Variants in KCNH8 observed in about 807,000 individuals in gnomAD.
The protein encoded by KCNH8 is voltage-gated delayed rectifier potassium channel KCNH8.
A neutral mutation model predicts 103.6 loss-of-function variants in KCNH8; 70 were observed. The ratio of observed to expected loss-of-function variants is 0.68; its 90% CI spans 0.56 to 0.82. KCNH8 has a LOEUF of 0.82. KCNH8 is among the 40% of genes least tolerant of loss of function. The pLI, the probability that KCNH8 is intolerant of heterozygous loss-of-function variation, is 0.00. For missense variants in KCNH8, 1,217 were observed against 1,329.9 expected (o/e 0.92, Z 1.32); for synonymous variants, 498 against 489.4 (o/e 1.02, Z -0.23).
intron 3 of KCNH8, among the ~76,000 whole-genome samples, chr3:19,310,964 A>C (rs1463472454): frequency 6.6e-6 from 1 of 151,760 alleles, no homozygotes; most frequent in African/African-American, 2.4e-5. Context: ...CATCAGATTG[A>C]TTGCTCTACT....
chr3:19,380,897 G>C (rs2066279442), intron 5 of KCNH8, among the ~76,000 whole-genome samples: 2 of 152,284 alleles, frequency 1.3e-5, no homozygotes, highest in East Asian at 3.9e-4. Context: ...ACAAAAATAT[G>C]AGCAATTTCT....
At chr3:19,399,795 G>A (rs1247310061) in intron 7 of KCNH8, among the ~76,000 whole-genome samples, 3 of 151,932 alleles carry the variant, frequency 2.0e-5, no homozygotes, top group African/African-American at 7.3e-5. Flanking sequence ...TTAAAGTCTA[G>A]TGAAGAGGTG....
intron 1 of KCNH8, among the ~76,000 whole-genome samples, chr3:19,241,320 A>G (rs1001026880): frequency 3.3e-5 from 5 of 152,192 alleles, no homozygotes; most frequent in African/African-American, 1.2e-4. Flanking sequence ...CTTGGAGATC[A>G]TACGATTCAA....
At chr3:19,218,256 T>C (rs1433752045) in intron 1 of KCNH8, among the ~76,000 whole-genome samples, 3 of 152,162 alleles carry the variant, frequency 2.0e-5, no homozygotes, top group South Asian at 2.1e-4. Context: ...TTTCAACTAG[T>C]TTGTGTTTGG....
intron 1 of KCNH8, among the ~76,000 whole-genome samples, chr3:19,240,761 A>T (rs1255402689): frequency 6.6e-6 from 1 of 152,160 alleles, no homozygotes; most frequent in Non-Finnish European, 1.5e-5. Context: ...GTTCCATCTC[A>T]TAAGATACAC....
At chr3:19,461,972 C>T (rs1415902624) in intron 11 of KCNH8, among the ~76,000 whole-genome samples, 1 of 152,164 alleles carries the variant, frequency 6.6e-6, no homozygotes, top group African/African-American at 2.4e-5. Flanking sequence ...GACATTAACT[C>T]ATCCTTTTTT....
chr3:19,324,305 C>A (rs891978605), intron 3 of KCNH8, among the ~76,000 whole-genome samples: 5 of 152,038 alleles, frequency 3.3e-5, no homozygotes, highest in Admixed American at 3.3e-4. Context: ...GGGAAACTTA[C>A]AATCATGGCA....
chr3:19,337,488 C>G lies in KCNH8; in HGVS notation c.443-5099C>G, dbSNP rs144413082. Among the ~76,000 whole-genome samples, 790 of 152,076 alleles carry G rather than the reference C, an allele frequency of 5.2e-3. 8 individuals are homozygous for G. Among genetic ancestry groups the G allele is most frequent in the African/African-American group, 0.018 (759 of 41,506 alleles). ...TCCTGCTTACTGACCACTACCTCCT[C>G]CTCTTGTATTTTACTCATTTACCTT... On this transcript the variant is annotated intron_variant, in intron 3 of 15. Transcript: ENST00000328405.
chr3:19,525,851 T>C (rs1269705435), intron 15 of KCNH8, among the ~76,000 whole-genome samples: 1 of 151,964 alleles, frequency 6.6e-6, no homozygotes, highest in South Asian at 2.1e-4. Context: ...TTATTAGTAA[T>C]GGGATTGAGG....
Position 19,454,144 on chromosome 3 carries a change from CTGTGTGTGTGTGTGTGTGTGTG to C in KCNH8, c.1826-2592_1826-2571del, listed in dbSNP as rs372400109. ...GTAACTCAATATTAGAGTAAGGCTT[CTGTGTGTGTGTGTGTGTGTGTG>C]TGTGTGTGTGTGTGTGTGTGTGTGT... On this transcript the variant is annotated intron_variant, in intron 10 of 15. Transcript: ENST00000328405. 4.0e-3 allele frequency among the ~76,000 whole-genome samples: 532 copies of C among 131,610 alleles called. 8 individuals are homozygous for C. Among genetic ancestry groups the C allele is most frequent in the South Asian group, 0.014 (52 of 3,638 alleles). The allele number at this position is 131,610 out of a possible 152,430, so 86.3% of individuals were successfully genotyped here.
At chr3:19,509,077 A>G (rs1019302046) in intron 11 of KCNH8, among the ~76,000 whole-genome samples, 26 of 152,168 alleles carry the variant, frequency 1.7e-4, no homozygotes, top group Non-Finnish European at 1.2e-4. Context: ...TTTATTTTTC[A>G]CATTTTTAAT....
At chr3:19,287,743 AC>A (rs2064852526) in intron 3 of KCNH8, among the ~76,000 whole-genome samples, 1 of 151,978 alleles carries the variant, frequency 6.6e-6, no homozygotes, top group African/African-American at 2.4e-5. Context: ...GTGCCACCAC[AC>A]CCAGCTAATT....
chr3:19,393,081 A>G (rs903735689), intron 6 of KCNH8, among the ~76,000 whole-genome samples: 2 of 151,910 alleles, frequency 1.3e-5, no homozygotes, highest in African/African-American at 4.8e-5. Flanking sequence ...GTCCATTGGT[A>G]AAAGGGGAAA....
chr3:19,363,605 A>G (rs2065973576), intron 5 of KCNH8, among the ~76,000 whole-genome samples: 1 of 152,150 alleles, frequency 6.6e-6, no homozygotes, highest in African/African-American at 2.4e-5. Context: ...TGCATAACCT[A>G]TATAATCTCC....
intron 1 of KCNH8, among the ~76,000 whole-genome samples, chr3:19,186,939 T>C (rs907557155): frequency 6.6e-6 from 1 of 152,070 alleles, no homozygotes; most frequent in Non-Finnish European, 1.5e-5. Flanking sequence ...TTTGTGTGCC[T>C]TATGGTCTCC....
chr3:19,158,407 A>G (rs1450897540), intron 1 of KCNH8, among the ~76,000 whole-genome samples: 1 of 151,636 alleles, frequency 6.6e-6, no homozygotes, highest in Non-Finnish European at 1.5e-5. Flanking sequence ...TTTTGTTCTC[A>G]GAATTTTATT....
intron 1 of KCNH8, among the ~76,000 whole-genome samples, chr3:19,233,821 C>T (rs1047599649): frequency 3.3e-5 from 5 of 151,918 alleles, no homozygotes; most frequent in African/African-American, 9.7e-5. Context: ...TTAAAGGCGG[C>T]GTGTCTGGAG....
At chr3:19,208,197 A>G (rs1249326915) in intron 1 of KCNH8, among the ~76,000 whole-genome samples, 4 of 152,038 alleles carry the variant, frequency 2.6e-5, no homozygotes, top group Non-Finnish European at 5.9e-5. Flanking sequence ...CTTCTTGTCA[A>G]TGTTGGGAAA....
chr3:19,467,327 ATG>A (rs1304999763), intron 11 of KCNH8, among the ~76,000 whole-genome samples: 1 of 151,280 alleles, frequency 6.6e-6, no homozygotes, highest in Non-Finnish European at 1.5e-5. Context: ...ACACACACAC[ATG>A]TGCACACACA....
Sources: gnomAD v4.1 joint callset for allele counts (sites outside exome capture counted in the v4.1 genomes callset) on GRCh38, gnomAD v4.1.1 for gene constraint, MANE v1.5 for transcripts, NCBI Gene and HGNC (gene_info 2026-07-23, HGNC 2026-07-21) for gene names.